MYBPC2: variants seen among roughly 807,000 people sequenced by gnomAD.
MYBPC2 encodes myosin-binding protein C, fast-type.
Under a neutral mutation model 137.0 loss-of-function variants are expected in MYBPC2, and 122 were observed. The ratio of observed to expected loss-of-function variants is 0.89; its 90% CI spans 0.77 to 1.03. The LOEUF (loss-of-function observed/expected upper bound fraction) is 1.03. Among genes scored for constraint, MYBPC2 ranks in the 50% least tolerant of loss-of-function variants. MYBPC2 has a pLI of 0.00. For synonymous variants in MYBPC2, 626 were observed against 612.3 expected (o/e 1.02, Z -0.33); for missense variants, 1,500 against 1,534.4 (o/e 0.98, Z 0.37).
At chr19:50,461,825 T>C (rs920442934) in intron 25 of MYBPC2, 75 bp from the exon 26 acceptor site, 22 of 1,576,054 alleles carry the variant, frequency 1.4e-5, no homozygotes, top group African/African-American at 1.2e-4. Context: ...AGAGAGGTGA[T>C]TGCGGTTTGT....
At chr19:50,443,443 G>A (rs200004300) in intron 9 of MYBPC2, 51 bp from the exon 10 acceptor site, 1 of 1,594,692 alleles carries the variant, frequency 6.3e-7, no homozygotes, top group African/African-American at 1.3e-5. Context: ...AGCTACCCCA[G>A]GGATAGGTGG....
chr19:50,457,680 G>GTTTTTTT (rs544491551), intron 20 of MYBPC2, among the ~76,000 whole-genome samples: 5 of 126,426 alleles, frequency 4.0e-5, no homozygotes, highest in African/African-American at 3.2e-5. Context: ...CCTGGGGAAA[G>GTTTTTTT]TTTTTTTTTT....
intron 9 of MYBPC2, among the ~76,000 whole-genome samples, chr19:50,442,703 G>T (rs1372473652): frequency 1.3e-5 from 2 of 152,028 alleles, no homozygotes; most frequent in Non-Finnish European, 2.9e-5. Context: ...CTGCACTCCA[G>T]CCTGGGCGAC....
chr19:50,440,323 A>AAAATAAAATAAAT (rs140643143), intron 7 of MYBPC2, among the ~76,000 whole-genome samples: 6,015 of 139,018 alleles, frequency 0.043, 159 homozygotes, highest in African/African-American at 0.068. Flanking sequence ...CTGTGGAAAT[A>AAAATAAAATAAAT]AAATAAATAA....
chr19:50,441,808 C>T (rs1263701508), intron 8 of MYBPC2, among the ~76,000 whole-genome samples: 1 of 150,606 alleles, frequency 6.6e-6, no homozygotes, highest in Non-Finnish European at 1.5e-5. Context: ...CTGTGGCACT[C>T]CAGCCTGGGG....
intron 1 of MYBPC2, 93 bp downstream of exon 1, chr19:50,433,065 A>T (rs1315361170): frequency 1.4e-6 from 2 of 1,428,220 alleles, no homozygotes; most frequent in African/African-American, 1.5e-5. Flanking sequence ...TGGGAGAAGG[A>T]GGAACCTTCG....
Position 50,451,891 on chromosome 19 carries a change from C to A in MYBPC2, c.1637C>A (p.Ser546Ter). The change falls in exon 16 of 28, where the codon TCG becomes TAG. Residue 546 changes from serine to a stop codon, truncating the protein, a stop_gained. Transcript: ENST00000357701. LOFTEE classifies it high-confidence loss of function. ...QEPPKIHLDCSGKTSENAIVV... is the reference protein window; with the variant it reads ...QEPPKIHLDC ...CCACCAAAGATCCACTTGGATTGCTCGGGGAAGACCTCAGAGAATGCGATT... is the reference window on the plus strand; with the variant it reads ...CCACCAAAGATCCACTTGGATTGCTAGGGGAAGACCTCAGAGAATGCGATT... 6.3e-7 allele frequency: 1 copy of A among 1,591,124 alleles called. No homozygotes were observed. Among genetic ancestry groups the A allele is most frequent in the East Asian group, 2.3e-5 (1 of 44,084 alleles).
At chr19:50,458,171 G>A (rs994092709) in intron 20 of MYBPC2, among the ~76,000 whole-genome samples, 19 of 151,432 alleles carry the variant, frequency 1.3e-4, no homozygotes, top group Non-Finnish European at 2.2e-4. Context: ...TTAGCTGGGC[G>A]TGGTGGTGCG....
rs765356770 is a variant in MYBPC2, at chr19:50,455,242, A to G, written c.2149A>G (p.Asn717Asp). Residue 717 changes from asparagine to aspartate, a missense_variant, in exon 19 of 28, where the codon AAT (asparagine) becomes GAT (aspartate). Coordinates refer to ENST00000357701, the MANE Select transcript of MYBPC2 (RefSeq NM_004533.4). ...ILYEMRVFAVNAIGVSQPSMN... is the reference protein window; with the variant it reads ...ILYEMRVFAVDAIGVSQPSMN... Reference sequence around the variant, plus strand: ...CTATGAGATGCGTGTCTTCGCCGTCAATGCTATAGGGGTCTCCCAGCCCAG... The same window carrying G: ...CTATGAGATGCGTGTCTTCGCCGTCGATGCTATAGGGGTCTCCCAGCCCAG... 2.5e-6 allele frequency: 4 copies of G among 1,613,722 alleles called. No individual in the cohort carries two copies. The South Asian group carries it at 3.3e-5, about 13-fold the overall frequency.
At position 50,448,344 on chromosome 19, in the gene MYBPC2, G is replaced by A; in HGVS notation, c.1426G>A (p.Val476Ile). The A allele has an allele frequency of 6.2e-7, 1 of 1,613,918 alleles. No individual in the cohort carries two copies. The highest frequency in any genetic ancestry group is 8.5e-7 in the Non-Finnish European group (1 of 1,179,808). Residue 476 changes from valine to isoleucine, a missense_variant, in exon 13 of 28, where the codon GTC (valine) becomes ATC (isoleucine). Transcript: ENST00000357701. ...KVTGKWYKNG[V>I]EVRPSKRITI... ...GACGGGCAAGTGGTATAAGAATGGG[G>A]TCGAGGTGCGGCCCAGCAAGAGGAT...
At position 50,432,995 on chromosome 19, in the gene MYBPC2, G is replaced by C. The variant is rs775479408; in HGVS notation, c.19+23G>C. The C allele has an allele frequency of 6.3e-7, 1 of 1,585,652 alleles. No homozygotes were observed. Among genetic ancestry groups the C allele is most frequent in the Non-Finnish European group, 8.6e-7 (1 of 1,168,424 alleles). ...CAGGTGGCGCCAGGACCCCCTCCCT[G>C]TGTGGGGATGGGGCTCTTCTTTTCT... On this transcript the variant is annotated intron_variant, in intron 1 of 27. Coordinates refer to ENST00000357701, the MANE Select transcript of MYBPC2 (RefSeq NM_004533.4). The surrounding 1 kb of genome is among the most constrained non-coding windows in gnomAD (Gnocchi z 5.5).
chr19:50,440,849 G>C (rs893572836), intron 7 of MYBPC2, 31 bp from the exon 8 acceptor site: 4 of 1,591,270 alleles, frequency 2.5e-6, no homozygotes, highest in Non-Finnish European at 3.4e-6. Context: ...CTCACTCCCT[G>C]ATGGCCCCTG....
chr19:50,451,901 C>T lies in MYBPC2; in HGVS notation c.1647C>T (p.Thr549=). The T allele has an allele frequency of 1.3e-6, 2 of 1,589,436 alleles. No individual in the cohort carries two copies. Among genetic ancestry groups the T allele is most frequent in the Non-Finnish European group, 1.7e-6 (2 of 1,167,388 alleles). Residue 549 remains threonine, a synonymous_variant, in exon 16 of 28, where the codon ACC becomes ACT. Transcript: ENST00000357701. ...PKIHLDCSGK[T]SENAIVVVAG... is the part of the protein sequence containing the mutation. ...TCCACTTGGATTGCTCGGGGAAGAC[C>T]TCAGAGAATGCGATTGTGGTTGTGG...
intron 7 of MYBPC2, 111 bp downstream of exon 7, chr19:50,437,829 C>T (rs1685749787): frequency 8.2e-7 from 1 of 1,220,240 alleles, no homozygotes. Context: ...TATCCCTCTA[C>T]CACCTCCATC....
chr19:50,444,662 C>T (rs1303322928), intron 11 of MYBPC2, among the ~76,000 whole-genome samples: 2 of 151,846 alleles, frequency 1.3e-5, no homozygotes, highest in Non-Finnish European at 2.9e-5. Context: ...GGGCGGATCA[C>T]GAGGTCAGGA....
Position 50,437,723 on chromosome 19 carries a change from G to A in MYBPC2, c.572+5G>A. ...CAGTGGCCTGTTGAAGAAGAGGTGA[G>A]CCCCGGACTTGGCACAGAGAGGGGA... On this transcript the variant is annotated splice_donor_5th_base_variant and intron_variant, in intron 7 of 27. Coordinates refer to ENST00000357701, the MANE Select transcript of MYBPC2 (RefSeq NM_004533.4). The A allele has an allele frequency of 6.2e-7, 1 of 1,600,230 alleles. No individual in the cohort carries two copies. Among genetic ancestry groups the A allele is most frequent in the Non-Finnish European group, 8.5e-7 (1 of 1,173,430 alleles).
chr19:50,438,826 A>C (rs1432603141), intron 7 of MYBPC2, among the ~76,000 whole-genome samples: 1 of 152,122 alleles, frequency 6.6e-6, no homozygotes, highest in African/African-American at 2.4e-5. Context: ...TGATCGCGCC[A>C]CTGCACTCCA....
chr19:50,444,879 CAAAAAAAAA>C (rs34557075), intron 11 of MYBPC2, among the ~76,000 whole-genome samples: 4 of 67,274 alleles, frequency 5.9e-5, no homozygotes, highest in Admixed American at 1.7e-4. Context: ...GACTCCGTCT[CAAAAAAAAA>C]AAAAAAAAAA....
In MYBPC2 at chr19:50,441,021, C is replaced by T. The variant is rs1372831009; in HGVS notation, c.714C>T (p.Leu238=). The stretch of plus-strand genomic sequence containing the variant: ...CCTTCCAGTATGGCATCACCGACCT[C>T]CGGGGCATGCTGAAGCGGCTGAAAA... The part of the protein sequence containing the change: ...KIAFQYGITD[L]RGMLKRLKKA... Residue 238 remains leucine (L), a synonymous_variant, in exon 8 of 28, where the codon CTC becomes CTT. Transcript: ENST00000357701. 2 of 1,610,004 alleles carry T rather than the reference C, an allele frequency of 1.2e-6. No homozygotes were observed. Among genetic ancestry groups the T allele is most frequent in the Non-Finnish European group, 1.7e-6 (2 of 1,178,142 alleles).
Sources: allele counts gnomAD v4.1 joint callset (sites outside exome capture counted in the v4.1 genomes callset), GRCh38; gene constraint gnomAD v4.1.1; non-coding constraint Gnocchi (gnomAD v3.1); transcripts MANE v1.5; gene names NCBI Gene and HGNC (gene_info 2026-07-23, HGNC 2026-07-21).